Variants in TNNI3K observed in about 807,000 individuals in gnomAD.
TNNI3K encodes serine/threonine-protein kinase TNNI3K.
Under a neutral mutation model 114.5 loss-of-function variants are expected in TNNI3K, and 140 were observed. That is an observed-to-expected ratio of 1.22 (90% CI 1.07 to 1.41). TNNI3K has a LOEUF of 1.41. TNNI3K is among the 40% of genes most tolerant of loss of function. TNNI3K has a pLI of 0.00. For missense variants in TNNI3K, 1,125 were observed against 1,007.6 expected, an observed-to-expected ratio of 1.12 and a Z score of -1.58; for synonymous variants, 347 against 347.5, an observed-to-expected ratio of 1.00 and a Z score of 0.02.
chr1:74,491,761 T>G (rs1425042720), intron 22 of TNNI3K, among the ~76,000 whole-genome samples: 4 of 152,244 alleles, frequency 2.6e-5, no homozygotes, highest in Non-Finnish European at 2.9e-5. Flanking sequence ...ATAAATCTTA[T>G]TGCCATAGTG....
chr1:74,310,317 A>G lies in TNNI3K; in HGVS notation c.445-21133A>G, dbSNP rs1658910934. 2.6e-5 allele frequency among the ~76,000 whole-genome samples: 4 copies of G among 152,226 alleles called. No homozygotes were observed. The South Asian group carries it at 8.3e-4, about 31-fold the overall frequency. ...CTACAAAACACTGATGAAATAAGTT[A>G]TAGATGACACAAACAAATGGAAAAA... is the stretch of plus-strand genomic sequence containing the variant. On this transcript the variant is annotated intron_variant, in intron 5 of 24. Coordinates refer to ENST00000326637, the MANE Select transcript of TNNI3K (RefSeq NM_015978.3).
intron 5 of TNNI3K, among the ~76,000 whole-genome samples, chr1:74,320,413 A>G (rs1191345872): frequency 6.6e-6 from 1 of 152,204 alleles, no homozygotes; most frequent in Non-Finnish European, 1.5e-5. Flanking sequence ...TTTGCAGACC[A>G]ACATTTTCAA....
At chr1:74,540,185 T>A in intron 23 of TNNI3K, 49 bp from the exon 24 acceptor site, 1 of 1,587,632 alleles carries the variant, frequency 6.3e-7, no homozygotes, top group Non-Finnish European at 8.6e-7. Flanking sequence ...TATAAAAATG[T>A]TATTATCAGA....
chr1:74,287,671 G>A (rs950766229), intron 5 of TNNI3K, among the ~76,000 whole-genome samples: 3 of 151,970 alleles, frequency 2.0e-5, no homozygotes, highest in African/African-American at 7.3e-5. Context: ...AATTGGTTTG[G>A]GCAATGATTT....
At position 74,348,950 on chromosome 1, in the gene TNNI3K, C is replaced by T. The variant is rs572011628; in HGVS notation, c.933-4316C>T. On this transcript the variant is annotated intron_variant, in intron 9 of 24. Coordinates refer to ENST00000326637, the MANE Select transcript of TNNI3K (RefSeq NM_015978.3). ...AATCATGTCATCTGCAAACAGGGAC[C>T]ATTTGACTTCCTCTTTTCCTAATTG... Among the ~76,000 whole-genome samples, 200 of 152,166 alleles carry T rather than the reference C, an allele frequency of 1.3e-3. 6 individuals carry two copies. The highest frequency in any genetic ancestry group is 1.4e-3 in the Non-Finnish European group (92 of 68,004).
intron 21 of TNNI3K, chr1:74,472,265 T>C: frequency 2.9e-6 from 2 of 701,580 alleles, no homozygotes; most frequent in East Asian, 2.7e-5. Flanking sequence ...ACCAAACAGA[T>C]GCGTAGAAAC....
In TNNI3K at chr1:74,336,553, A is replaced by G. The variant is rs548500187; in HGVS notation, c.682+404A>G. On this transcript the variant is annotated intron_variant, in intron 7 of 24. Transcript: ENST00000326637. ...GTGTGATATTCCCCTTCCTGTGTCCATGTGATCTCATTGTTCAATTCCCAC... is the reference window on the plus strand; with the variant it reads ...GTGTGATATTCCCCTTCCTGTGTCCGTGTGATCTCATTGTTCAATTCCCAC... 1.4e-3 allele frequency among the ~76,000 whole-genome samples: 188 copies of G among 133,772 alleles called. 1 individual carries two copies. The highest frequency in any genetic ancestry group is 4.9e-3 in the African/African-American group (172 of 35,238). The allele number at this position is 133,772 out of a possible 152,430, so 87.8% of individuals were successfully genotyped here.
intron 5 of TNNI3K, among the ~76,000 whole-genome samples, chr1:74,302,438 G>A (rs1557484794): frequency 6.6e-6 from 1 of 152,188 alleles, no homozygotes; most frequent in African/African-American, 2.4e-5. Context: ...AATAATTAAG[G>A]TCAGTGAGAA....
chr1:74,519,775 T>C (rs1005829551), intron 23 of TNNI3K, among the ~76,000 whole-genome samples: 1 of 152,156 alleles, frequency 6.6e-6, no homozygotes, highest in African/African-American at 2.4e-5. Context: ...TGAAGATATG[T>C]TATAGTCAAG....
intron 20 of TNNI3K, among the ~76,000 whole-genome samples, chr1:74,443,416 G>A (rs1280876314): frequency 2.0e-5 from 3 of 151,938 alleles, no homozygotes; most frequent in Admixed American, 1.3e-4. Context: ...TAGAAGAAAT[G>A]GATAAATACC....
chr1:74,281,596 A>C lies in TNNI3K; in HGVS notation c.444+9888A>C, dbSNP rs1011244921. 4.8e-4 allele frequency among the ~76,000 whole-genome samples: 73 copies of C among 151,990 alleles called. 6 individuals carry two copies. Among genetic ancestry groups the C allele is most frequent in the Non-Finnish European group, 1.5e-5 (1 of 67,992 alleles). On this transcript the variant is annotated intron_variant, in intron 5 of 24. Coordinates refer to ENST00000326637, the MANE Select transcript of TNNI3K (RefSeq NM_015978.3). ...AGAGCAAATTCTTTCCATTTATTCAAGTTTCTTTTTCGATCTTTCAGCAGA... is the reference window on the plus strand; with the variant it reads ...AGAGCAAATTCTTTCCATTTATTCACGTTTCTTTTTCGATCTTTCAGCAGA...
intron 23 of TNNI3K, among the ~76,000 whole-genome samples, chr1:74,535,800 A>T (rs1646654048): frequency 6.6e-6 from 1 of 152,176 alleles, no homozygotes; most frequent in African/African-American, 2.4e-5. Context: ...AGTTGTCGAT[A>T]TTCAGTCAGT....
At chr1:74,249,628 G>T (rs1039035657) in intron 3 of TNNI3K, 84 bp downstream of exon 3, 3 of 1,341,644 alleles carry the variant, frequency 2.2e-6, no homozygotes, top group East Asian at 2.5e-5. Flanking sequence ...GTCTGCAAAA[G>T]AATTCTATTC....
chr1:74,349,670 G>A (rs1330061725), intron 9 of TNNI3K, among the ~76,000 whole-genome samples: 1 of 152,088 alleles, frequency 6.6e-6, no homozygotes, highest in African/African-American at 2.4e-5. Flanking sequence ...GTCTATTCAG[G>A]GATTCAACTT....
At chr1:74,509,508 T>C (rs1402003241) in intron 23 of TNNI3K, among the ~76,000 whole-genome samples, 1 of 152,214 alleles carries the variant, frequency 6.6e-6, no homozygotes, top group African/African-American at 2.4e-5. Context: ...TTAAAAATTG[T>C]CCTTTATTGT....
At chr1:74,299,107 A>T (rs935553271) in intron 5 of TNNI3K, among the ~76,000 whole-genome samples, 1 of 152,120 alleles carries the variant, frequency 6.6e-6, no homozygotes, top group Non-Finnish European at 1.5e-5. Flanking sequence ...TTTGTTCTTC[A>T]GAGTGGGAAA....
chr1:74,261,810 A>G (rs1655692801), intron 4 of TNNI3K, among the ~76,000 whole-genome samples: 1 of 152,126 alleles, frequency 6.6e-6, no homozygotes, highest in Non-Finnish European at 1.5e-5. Context: ...TTGAATGGTA[A>G]TGGTCATTTA....
At chr1:74,298,819 T>C (rs922808542) in intron 5 of TNNI3K, among the ~76,000 whole-genome samples, 1 of 152,150 alleles carries the variant, frequency 6.6e-6, no homozygotes, top group Non-Finnish European at 1.5e-5. Context: ...GTTGTTTTAA[T>C]TTTAATTCTG....
intron 9 of TNNI3K, among the ~76,000 whole-genome samples, chr1:74,352,366 C>T (rs1309507223): frequency 2.0e-5 from 3 of 152,178 alleles, no homozygotes; most frequent in Admixed American, 6.5e-5. Context: ...TGTGAGGTGT[C>T]AGTCTGCCCC....
Sources: gnomAD v4.1 joint callset for allele counts (sites outside exome capture counted in the v4.1 genomes callset) on GRCh38, gnomAD v4.1.1 for gene constraint, MANE v1.5 for transcripts, NCBI Gene and HGNC (gene_info 2026-07-23, HGNC 2026-07-21) for gene names.